PCDH15: variants seen among roughly 807,000 people sequenced by gnomAD.
The protein encoded by PCDH15 is protocadherin-15.
In PCDH15, 129 loss-of-function variants were observed where a neutral mutation model predicts 178.5. That is an observed-to-expected ratio of 0.72 (90% confidence interval 0.63 to 0.84). PCDH15 has a LOEUF of 0.84. Ranked by LOEUF, PCDH15 falls within the 40% of genes least tolerant of loss-of-function variation. The pLI is 0.00. For missense variants in PCDH15, 2,230 were observed against 2,099.9 expected, an observed-to-expected ratio of 1.06 and a Z score of -1.21; for synonymous variants, 800 against 732.0, an observed-to-expected ratio of 1.09 and a Z score of -1.50.
intron 1 of PCDH15, among the ~76,000 whole-genome samples, chr10:55,201,946 T>A (rs760378795): frequency 3.3e-5 from 5 of 152,298 alleles, no homozygotes; most frequent in South Asian, 4.1e-4. Flanking sequence ...TTTTCATTTT[T>A]TCCCCCTAGG....
intron 2 of PCDH15, among the ~76,000 whole-genome samples, chr10:54,609,310 A>C (rs1398896877): frequency 6.6e-6 from 1 of 152,196 alleles, no homozygotes; most frequent in East Asian, 1.9e-4. Flanking sequence ...GTAGGCTCAT[A>C]AACTTGCACA....
intron 1 of PCDH15, among the ~76,000 whole-genome samples, chr10:55,210,618 CT>C (rs11412877): frequency 6.4e-3 from 257 of 40,338 alleles, no homozygotes; most frequent in African/African-American, 0.025. Flanking sequence ...TTTTTCTTTT[CT>C]TTTTTTTTTT....
chr10:55,146,821 A>G (rs2132095486), intron 2 of PCDH15, among the ~76,000 whole-genome samples: 1 of 150,340 alleles, frequency 6.7e-6, no homozygotes, highest in South Asian at 2.1e-4. Flanking sequence ...ATAAGCAATT[A>G]TCTCAAAAGA....
chr10:54,144,366 G>GT (rs2133216082), intron 14 of PCDH15, among the ~76,000 whole-genome samples: 1 of 152,154 alleles, frequency 6.6e-6, no homozygotes, highest in East Asian at 1.9e-4. Flanking sequence ...TTTGTGAATT[G>GT]TTTTCTGTTT....
At chr10:55,582,622 A>ATTTTTTT (rs1266708993) in intron 2 of PCDH15, among the ~76,000 whole-genome samples, 4 of 74,272 alleles carry the variant, frequency 5.4e-5, no homozygotes, top group African/African-American at 1.2e-4. Flanking sequence ...ATATATATAT[A>ATTTTTTT]TATATATTTT....
At chr10:53,945,600 G>T (rs970262485) in intron 23 of PCDH15, among the ~76,000 whole-genome samples, 1 of 151,232 alleles carries the variant, frequency 6.6e-6, no homozygotes, top group Non-Finnish European at 1.5e-5. Flanking sequence ...ATTTTTTTAC[G>T]CTCTACTTTC....
At chr10:54,548,543 T>G (rs2086143766) in intron 2 of PCDH15, among the ~76,000 whole-genome samples, 1 of 130,848 alleles carries the variant, frequency 7.6e-6, no homozygotes, top group Admixed American at 8.3e-5. Context: ...TATATATATA[T>G]GTATATGTGC....
chr10:54,126,859 T>C (rs963887049), intron 15 of PCDH15, among the ~76,000 whole-genome samples: 5 of 152,136 alleles, frequency 3.3e-5, no homozygotes, highest in Non-Finnish European at 7.4e-5. Flanking sequence ...TTTGGTTCCA[T>C]ATTTTTGTTT....
chr10:54,261,520 A>G (rs1357518854), intron 8 of PCDH15, among the ~76,000 whole-genome samples: 1 of 152,114 alleles, frequency 6.6e-6, no homozygotes, highest in African/African-American at 2.4e-5. Flanking sequence ...TAGGTTCATT[A>G]GAATTTTTGG....
At chr10:54,198,570 C>T (rs1044719913) in intron 10 of PCDH15, among the ~76,000 whole-genome samples, 1 of 88,244 alleles carries the variant, frequency 1.1e-5, no homozygotes, top group East Asian at 3.4e-4. Flanking sequence ...GGCGGGATCT[C>T]GGCTCACTGC....
At chr10:54,311,941 A>G (rs533204372) in intron 8 of PCDH15, among the ~76,000 whole-genome samples, 4 of 152,214 alleles carry the variant, frequency 2.6e-5, no homozygotes, top group African/African-American at 7.2e-5. Context: ...CAAATTCTGC[A>G]TGTATTATAA....
At chr10:55,599,006 G>C (rs1015534679) in intron 2 of PCDH15, among the ~76,000 whole-genome samples, 3 of 151,996 alleles carry the variant, frequency 2.0e-5, no homozygotes, top group Non-Finnish European at 4.4e-5. Context: ...ATTTACCCTC[G>C]ACAAAAGTAT....
At chr10:55,120,099 C>A (rs1837727842) in intron 2 of PCDH15, among the ~76,000 whole-genome samples, 1 of 151,600 alleles carries the variant, frequency 6.6e-6, no homozygotes, top group African/African-American at 2.4e-5. Flanking sequence ...AAGATGGTGG[C>A]TTAACTGAAA....
intron 2 of PCDH15, among the ~76,000 whole-genome samples, chr10:54,611,294 A>T (rs2092953268): frequency 6.6e-6 from 1 of 151,866 alleles, no homozygotes; most frequent in African/African-American, 2.4e-5. Flanking sequence ...TTTTTAAAAA[A>T]AACCTCCCTG....
intron 3 of PCDH15, among the ~76,000 whole-genome samples, chr10:54,501,591 T>C (rs116566355): frequency 6.6e-6 from 1 of 152,138 alleles, no homozygotes; most frequent in South Asian, 2.1e-4. Context: ...TTTGTAAACA[T>C]ACACAATGAC....
At chr10:55,373,546 A>T (rs1167493103) in intron 2 of PCDH15, among the ~76,000 whole-genome samples, 1 of 151,166 alleles carries the variant, frequency 6.6e-6, no homozygotes, top group Admixed American at 6.6e-5. Flanking sequence ...CAGGTAATCT[A>T]AAAAAAAATG....
intron 2 of PCDH15, among the ~76,000 whole-genome samples, chr10:55,609,015 TACACACACAC>T (rs1290621408): frequency 7.9e-6 from 1 of 126,816 alleles, no homozygotes; most frequent in Non-Finnish European, 1.6e-5. Context: ...TATATATATA[TACACACACAC>T]ACACACACAC....
chr10:54,643,328 C>T (rs1283416661), intron 2 of PCDH15, among the ~76,000 whole-genome samples: 1 of 152,164 alleles, frequency 6.6e-6, no homozygotes. Context: ...GATTTCTAAA[C>T]CTCAACTCTG....
At chr10:54,524,623 A>C (rs1036998195) in intron 3 of PCDH15, among the ~76,000 whole-genome samples, 1 of 152,206 alleles carries the variant, frequency 6.6e-6, no homozygotes, top group Admixed American at 6.5e-5. Context: ...GAAACTAGAA[A>C]ATATCTGTTC....
Sources: gnomAD v4.1 joint callset for allele counts (sites outside exome capture counted in the v4.1 genomes callset) on GRCh38, gnomAD v4.1.1 for gene constraint, MANE v1.5 for transcripts, NCBI Gene and HGNC (gene_info 2026-07-23, HGNC 2026-07-21) for gene names.